Variants in FNBP1 observed in about 807,000 individuals in gnomAD.
The protein encoded by FNBP1 is formin-binding protein 1.
FNBP1 carries 26 observed loss-of-function variants against 90.6 expected under a neutral mutation model. The ratio of observed to expected loss-of-function variants is 0.29; its 90% CI spans 0.21 to 0.40. The LOEUF (loss-of-function observed/expected upper bound fraction) is 0.40, where lower values mean the gene tolerates loss of function less well. Ranked by LOEUF, FNBP1 falls within the 10% of genes least tolerant of loss-of-function variation. The probability of loss-of-function intolerance (pLI) is 1.00; values close to 1 mark genes in which losing one functional copy is unlikely to be tolerated. For synonymous variants in FNBP1, 260 were observed against 265.2 expected, an observed-to-expected ratio of 0.98 and a Z score of 0.19; for missense variants, 635 against 768.0, an observed-to-expected ratio of 0.83 and a Z score of 2.05.
the FNBP1 span, among the ~76,000 whole-genome samples, chr9:130,049,124 C>A: frequency 6.6e-6 from 1 of 151,978 alleles, no homozygotes; most frequent in Non-Finnish European, 1.5e-5. Flanking sequence ...CACAGTGGCT[C>A]ATGCCTGTAA....
rs946982620 is a variant in FNBP1, at chr9:129,998,387, G to A, written c.25-3429C>T. 6.7e-5 allele frequency among the ~76,000 whole-genome samples: 10 copies of A among 149,964 alleles called. No homozygotes were observed. The South Asian group carries it at 2.1e-3, about 32-fold the overall frequency. On this transcript the variant is annotated intron_variant, in intron 1 of 16. Transcript: ENST00000446176. ...AAATTAGCTGGGCCTGGTGGCGCAC[G>A]CCTATAATCACAGCTACTTGGGAGG...
chr9:129,984,741 C>T (rs899961016), intron 2 of FNBP1, among the ~76,000 whole-genome samples: 1 of 151,874 alleles, frequency 6.6e-6, no homozygotes, highest in African/African-American at 2.4e-5. Flanking sequence ...ATGGGGGGGG[C>T]CGGTCTTTCC....
intron 6 of FNBP1, among the ~76,000 whole-genome samples, chr9:129,951,656 G>C (rs190534829): frequency 4.0e-4 from 60 of 151,858 alleles, no homozygotes; most frequent in African/African-American, 1.3e-3. Context: ...TGTTGCCCAG[G>C]CTTGTCTCAA....
intron 1 of FNBP1, among the ~76,000 whole-genome samples, chr9:130,001,201 G>A (rs1259495238): frequency 2.0e-5 from 3 of 151,376 alleles, no homozygotes; most frequent in Admixed American, 6.6e-5. Context: ...GTGTGGTGGC[G>A]GTCGCCTGTA....
chr9:129,893,202 C>T (rs1340931096), intron 16 of FNBP1, among the ~76,000 whole-genome samples: 1 of 152,058 alleles, frequency 6.6e-6, no homozygotes, highest in East Asian at 1.9e-4. Flanking sequence ...CTCATTTAAA[C>T]AGATCCTTGT....
intron 4 of FNBP1, among the ~76,000 whole-genome samples, chr9:129,961,394 G>A (rs928271464): frequency 1.4e-4 from 22 of 152,150 alleles, no homozygotes; most frequent in African/African-American, 4.8e-4. Context: ...CTTAGGGAGC[G>A]GTCTGTACTA....
intron 12 of FNBP1, among the ~76,000 whole-genome samples, chr9:129,903,662 A>T (rs935801149): frequency 3.0e-4 from 46 of 152,078 alleles, no homozygotes; most frequent in Non-Finnish European, 3.8e-4. Context: ...TTAATTAATT[A>T]ATTTATTTTT....
chr9:129,970,574 TG>T (rs1173441741), intron 4 of FNBP1, among the ~76,000 whole-genome samples: 23 of 152,210 alleles, frequency 1.5e-4, no homozygotes, highest in Non-Finnish European at 2.9e-4. Context: ...TGAGGATTTT[TG>T]ATTTATAAGG....
intron 16 of FNBP1, among the ~76,000 whole-genome samples, chr9:129,894,911 A>T (rs2035483351): frequency 6.6e-6 from 1 of 152,130 alleles, no homozygotes; most frequent in South Asian, 2.1e-4. Context: ...TACAAAAATT[A>T]GCCAGGCGTG....
chr9:129,977,190 G>A (rs916626417), intron 4 of FNBP1, among the ~76,000 whole-genome samples: 1 of 151,864 alleles, frequency 6.6e-6, no homozygotes, highest in Non-Finnish European at 1.5e-5. Context: ...ACTGGCCAAC[G>A]TGATTACTTT....
rs542431631 is a variant in FNBP1 at position 130,042,384 on chromosome 9, C to A, written c.24+568G>T. Among the ~76,000 whole-genome samples, 1 of 152,238 alleles carries A rather than the reference C, an allele frequency of 6.6e-6. No individual in the cohort carries two copies. Among genetic ancestry groups the A allele is most frequent in the South Asian group, 2.1e-4 (1 of 4,830 alleles). On this transcript the variant is annotated intron_variant, in intron 1 of 16. Transcript: ENST00000446176. This position sits in a 1 kb window ranked among gnomAD's most constrained non-coding sequence, Gnocchi z 5.5. ...CCGAAAGAACAAGTGCGCCCGGAGC[C>A]GCCACGGGCCAGAAGTCCTCGCCTC...
intron 1 of FNBP1, among the ~76,000 whole-genome samples, chr9:130,032,091 G>A (rs1282382851): frequency 6.6e-6 from 1 of 152,118 alleles, no homozygotes; most frequent in Admixed American, 6.6e-5. Context: ...GAATGACAGG[G>A]AGACTTCACA....
Position 129,895,840 on chromosome 9 carries a change from T to C in FNBP1, c.1844A>G (p.Lys615Arg), listed in dbSNP as rs1432472948. ...GTATTAAATATAAGTCTTAGCACCT[T>C]TGGCATTTTTGTCCAAACAGACTTC... Reference protein sequence around the residue: ...YVEVCLDKNAKDS With the variant: ...YVEVCLDKNARDS The change falls in exon 16 of 17, where the codon AAA becomes AGA. Residue 615 changes from lysine (K) to arginine (R), a missense_variant and splice_region_variant. By Grantham distance (26) the Lys-to-Arg change is conservative. Coordinates refer to ENST00000446176, the MANE Select transcript of FNBP1 (RefSeq NM_015033.3). The C allele has an allele frequency of 6.2e-7, 1 of 1,603,528 alleles. No individual in the cohort carries two copies.
intron 1 of FNBP1, among the ~76,000 whole-genome samples, chr9:130,040,846 C>G (rs2059757557): frequency 6.6e-6 from 1 of 152,004 alleles, no homozygotes; most frequent in Non-Finnish European, 1.5e-5. Context: ...TACTTCTGTA[C>G]TCAGCATTTG....
chr9:130,001,267 G>A (rs543586719), intron 1 of FNBP1, among the ~76,000 whole-genome samples: 2 of 150,350 alleles, frequency 1.3e-5, no homozygotes, highest in African/African-American at 4.9e-5. Flanking sequence ...GGGAGGCGGA[G>A]GTTGCAATGA....
chr9:129,893,424 G>C (rs1490853474), intron 16 of FNBP1, among the ~76,000 whole-genome samples: 1 of 143,102 alleles, frequency 7.0e-6, no homozygotes, highest in Non-Finnish European at 1.5e-5. Flanking sequence ...CCAACATGGT[G>C]AAAACCTGTC....
chr9:129,990,416 A>C (rs908466591), intron 2 of FNBP1, among the ~76,000 whole-genome samples: 1 of 152,172 alleles, frequency 6.6e-6, no homozygotes, highest in Non-Finnish European at 1.5e-5. Flanking sequence ...GGGGAAGAAC[A>C]CATAGGTGAT....
At chr9:129,929,455 A>T in intron 7 of FNBP1, 112 bp downstream of exon 7, 1 of 862,716 alleles carries the variant, frequency 1.2e-6, no homozygotes, top group Non-Finnish European at 1.8e-6. Flanking sequence ...ATTTGGAATT[A>T]TATAAAGACT....
chr9:130,031,034 C>T lies in FNBP1; in HGVS notation c.24+11918G>A, dbSNP rs1353854430. Among the ~76,000 whole-genome samples the T allele has an allele frequency of 2.0e-5, 3 of 152,148 alleles. No individual in the cohort carries two copies. Among genetic ancestry groups the T allele is most frequent in the African/African-American group, 7.2e-5 (3 of 41,426 alleles). On this transcript the variant is annotated intron_variant, in intron 1 of 16. Transcript: ENST00000446176. This position sits in a 1 kb window ranked among gnomAD's most constrained non-coding sequence, Gnocchi z 4.2. ...CAAGCCAGAGCAGGGAACATGCCTC[C>T]CCCTTGAACATCTTGAAGTGGGAGG...
Sources: allele counts gnomAD v4.1 joint callset (sites outside exome capture counted in the v4.1 genomes callset), GRCh38; gene constraint gnomAD v4.1.1; non-coding constraint Gnocchi (gnomAD v3.1); transcripts MANE v1.5; gene names NCBI Gene and HGNC (gene_info 2026-07-23, HGNC 2026-07-21).